ANXA4: variants seen among roughly 807,000 people sequenced by gnomAD.
The protein encoded by ANXA4 is annexin A4, also known as 35-beta calcimedin.
A neutral mutation model predicts 49.8 loss-of-function variants in ANXA4; 39 were observed. That is an observed-to-expected ratio of 0.78 (90% confidence interval 0.61 to 1.02). The LOEUF (loss-of-function observed/expected upper bound fraction) is 1.02. Among genes scored for constraint, ANXA4 ranks in the 50% least tolerant of loss-of-function variants. The pLI is 0.00. For synonymous variants in ANXA4, 134 were observed against 152.5 expected, an observed-to-expected ratio of 0.88 and a Z score of 0.89; for missense variants, 360 against 410.1, an observed-to-expected ratio of 0.88 and a Z score of 1.05.
intron 2 of ANXA4, among the ~76,000 whole-genome samples, chr2:69,661,061 A>G (rs1243894110): frequency 6.6e-6 from 1 of 152,004 alleles, no homozygotes; most frequent in Non-Finnish European, 1.5e-5. Flanking sequence ...TACTCACAAG[A>G]AAACAGCAAT....
chr2:69,718,284 C>T (rs1483211793), intron 2 of ANXA4, among the ~76,000 whole-genome samples: 1 of 152,158 alleles, frequency 6.6e-6, no homozygotes, highest in Non-Finnish European at 1.5e-5. Context: ...TCAGAATTCC[C>T]AAAGAAGGCT....
chr2:69,814,102 T>C (rs1673843212), intron 8 of ANXA4, among the ~76,000 whole-genome samples: 1 of 151,940 alleles, frequency 6.6e-6, no homozygotes, highest in East Asian at 1.9e-4. Context: ...AATGAGGGAT[T>C]GGTTCCATTC....
intron 2 of ANXA4, among the ~76,000 whole-genome samples, chr2:69,656,046 G>A (rs947326458): frequency 2.6e-5 from 4 of 151,606 alleles, no homozygotes; most frequent in South Asian, 2.1e-4. Context: ...GCTAAGGGAG[G>A]GATAGCGTTA....
chr2:69,723,669 C>T (rs1669881538), intron 3 of ANXA4, among the ~76,000 whole-genome samples: 1 of 152,162 alleles, frequency 6.6e-6, no homozygotes, highest in African/African-American at 2.4e-5. Flanking sequence ...TGTCCAATCC[C>T]ACACTACAGT....
chr2:69,709,441 C>T (rs1678606504), intron 2 of ANXA4, among the ~76,000 whole-genome samples: 1 of 152,112 alleles, frequency 6.6e-6, no homozygotes, highest in African/African-American at 2.4e-5. Flanking sequence ...ATTGCTTTGC[C>T]TCCAGCCCTC....
At chr2:69,674,953 C>T (rs574059371) in intron 2 of ANXA4, among the ~76,000 whole-genome samples, 85 of 138,988 alleles carry the variant, frequency 6.1e-4, no homozygotes, top group Non-Finnish European at 8.4e-4. Context: ...GATGGAGTCT[C>T]GCTCTGTCAC....
chr2:69,724,907 C>G (rs1669920521), intron 3 of ANXA4, among the ~76,000 whole-genome samples: 1 of 152,190 alleles, frequency 6.6e-6, no homozygotes, highest in African/African-American at 2.4e-5. Context: ...AGCCGCTGTC[C>G]GTGTGGAACG....
intron 3 of ANXA4, among the ~76,000 whole-genome samples, chr2:69,795,955 G>A (rs1416739887): frequency 1.3e-5 from 2 of 152,166 alleles, no homozygotes; most frequent in African/African-American, 4.8e-5. Context: ...TTGGACAGGA[G>A]AACAGAGAGA....
chr2:69,721,545 T>C (rs2105428079), intron 3 of ANXA4, among the ~76,000 whole-genome samples: 1 of 152,088 alleles, frequency 6.6e-6, no homozygotes, highest in Non-Finnish European at 1.5e-5. Flanking sequence ...CAAAAAAAAT[T>C]GAAAAGTTAA....
intron 1 of ANXA4, among the ~76,000 whole-genome samples, chr2:69,648,936 A>G (rs1488532739): frequency 3.3e-5 from 4 of 122,346 alleles, no homozygotes; most frequent in Admixed American, 1.1e-4. Flanking sequence ...CCCAGGCTGG[A>G]GTGCAATGGC....
At chr2:69,647,727 T>A (rs1347171034) in intron 1 of ANXA4, among the ~76,000 whole-genome samples, 4 of 151,962 alleles carry the variant, frequency 2.6e-5, no homozygotes, top group Non-Finnish European at 4.4e-5. Flanking sequence ...AAAAAAATAA[T>A]TATATAAAAA....
chr2:69,759,994 G>A (rs953343584), intron 1 of ANXA4, among the ~76,000 whole-genome samples: 3 of 151,940 alleles, frequency 2.0e-5, no homozygotes, highest in Admixed American at 6.6e-5. Context: ...CACCATGCCC[G>A]GCTAATTTTT....
intron 3 of ANXA4, among the ~76,000 whole-genome samples, chr2:69,727,208 G>T (rs531096285): frequency 6.6e-6 from 1 of 152,134 alleles, no homozygotes. Context: ...AAATTATTTC[G>T]GTTATTAGTT....
chr2:69,788,654 G>A (rs1263294225), intron 3 of ANXA4, among the ~76,000 whole-genome samples: 3 of 151,766 alleles, frequency 2.0e-5, no homozygotes, highest in South Asian at 2.1e-4. Flanking sequence ...TGGCTAACAC[G>A]GTGAAACCCC....
At chr2:69,704,668 A>C (rs1678434463) in intron 2 of ANXA4, among the ~76,000 whole-genome samples, 1 of 152,212 alleles carries the variant, frequency 6.6e-6, no homozygotes, top group South Asian at 2.1e-4. Flanking sequence ...AAAGAAGGCA[A>C]GTCTTAACAC....
intron 2 of ANXA4, among the ~76,000 whole-genome samples, chr2:69,656,551 C>CTT (rs34322550): frequency 0.011 from 1,100 of 103,982 alleles, 49 homozygotes; most frequent in Middle Eastern, 0.021. Flanking sequence ...ACAGTAGTTC[C>CTT]TTTTTTTTTT....
At chr2:69,650,256 C>G (rs1438117703) in intron 1 of ANXA4, among the ~76,000 whole-genome samples, 1 of 151,856 alleles carries the variant, frequency 6.6e-6, no homozygotes, top group African/African-American at 2.4e-5. Flanking sequence ...CTTTCTAAGG[C>G]TACGTTGTTA....
chr2:69,675,112 C>G lies in ANXA4; in HGVS notation n.766+21830C>G, dbSNP rs970354216. Among the ~76,000 whole-genome samples, 11 of 151,984 alleles carry G rather than the reference C, an allele frequency of 7.2e-5. No individual in the cohort carries two copies. The East Asian group carries it at 2.1e-3, about 29-fold the overall frequency. Reference sequence around the variant, plus strand: ...TAATTTTCTGTATTTGTAGTAGAGACGGGGTTTCACTGTGTTAGCCAGGAT... The same window carrying G: ...TAATTTTCTGTATTTGTAGTAGAGAGGGGGTTTCACTGTGTTAGCCAGGAT... On this transcript the variant is annotated intron_variant and non_coding_transcript_variant, in intron 2 of 3. Coordinates refer to the ANXA4 transcript ENST00000418066.
chr2:69,771,094 C>CAAAAAAA (rs1169928879), intron 1 of ANXA4, among the ~76,000 whole-genome samples: 2 of 42,410 alleles, frequency 4.7e-5, no homozygotes, highest in Admixed American at 2.1e-4. Context: ...ACCCTGTCTC[C>CAAAAAAA]AAAAAAAAAA....
Sources: gnomAD v4.1 joint callset for allele counts (sites outside exome capture counted in the v4.1 genomes callset) on GRCh38, gnomAD v4.1.1 for gene constraint, MANE v1.5 for transcripts, NCBI Gene and HGNC (gene_info 2026-07-23, HGNC 2026-07-21) for gene names.